The following ETFRF1 variants were observed in gnomAD, a reference collection of about 807,000 sequenced individuals.
ETFRF1 encodes electron transfer flavoprotein regulatory factor 1.
In ETFRF1, 12 loss-of-function variants were observed where a neutral mutation model predicts 9.0. The ratio of observed to expected loss-of-function variants is 1.34; its 90% CI spans 0.86 to 2.16. The LOEUF (loss-of-function observed/expected upper bound fraction) is 2.16. Ranked by LOEUF, ETFRF1 falls within the 30% of genes most tolerant of loss-of-function variation. ETFRF1 has a pLI of 0.00. For missense variants in ETFRF1, 98 were observed against 101.8 expected, an observed-to-expected ratio of 0.96 and a Z score of 0.16; for synonymous variants, 34 against 33.2, an observed-to-expected ratio of 1.02 and a Z score of -0.08.
intron 1 of ETFRF1, 44 bp from the exon 2 acceptor site, chr12:25,203,876 A>C: frequency 9.4e-7 from 1 of 1,064,642 alleles, no homozygotes; most frequent in Non-Finnish European, 1.3e-6. Context: ...TATTTTTTTA[A>C]GACTACAATG....
chr12:25,198,469 C>A (rs1317626062), intron 1 of ETFRF1, among the ~76,000 whole-genome samples: 1 of 151,928 alleles, frequency 6.6e-6, no homozygotes, highest in Non-Finnish European at 1.5e-5. Flanking sequence ...TCTTTTCATT[C>A]ATAAGAGTAG....
intron 1 of ETFRF1, 53 bp from the exon 2 acceptor site, chr12:25,203,862 TTTTTA>T: frequency 1.0e-6 from 1 of 990,880 alleles, no homozygotes; most frequent in African/African-American, 1.7e-5. Context: ...GTATAACCTT[TTTTTA>T]TTTTTTTAAG....
chr12:25,195,509 A>G, intron 1 of ETFRF1, 172 bp downstream of exon 1: 2 of 284,818 alleles, frequency 7.0e-6, no homozygotes, highest in South Asian at 7.6e-5. Flanking sequence ...GAGGGTTTCG[A>G]GAAGGAAACA....
At position 25,195,279 on chromosome 12, in the gene ETFRF1, A is replaced by G. The variant is rs993784899; in HGVS notation, c.-96A>G. On this transcript the variant is annotated 5_prime_UTR_variant, in exon 1 of 3. Transcript: ENST00000381356. ...CTCCCCCAACGCCACCCCGCTTCGCAGTAGACGGACAGAGGAGTCGTAGCG... is the reference window on the plus strand; with the variant it reads ...CTCCCCCAACGCCACCCCGCTTCGCGGTAGACGGACAGAGGAGTCGTAGCG... 22 of 646,422 alleles carry G rather than the reference A, an allele frequency of 3.4e-5. No individual in the cohort carries two copies. The highest frequency in any genetic ancestry group is 4.8e-5 in the Admixed American group (2 of 42,050). The allele number at this position is 646,422 out of a possible 1,614,324, so 40.0% of individuals were successfully genotyped here.
At chr12:25,199,779 G>A (rs1951060579) in intron 1 of ETFRF1, among the ~76,000 whole-genome samples, 1 of 151,982 alleles carries the variant, frequency 6.6e-6, no homozygotes, top group African/African-American at 2.4e-5. Context: ...TAATTTTTGA[G>A]TATTTTTAAC....
rs779368184 is a variant in ETFRF1 at position 25,204,058 on chromosome 12, T to C, written c.52-33T>C. The stretch of plus-strand genomic sequence containing the variant: ...TAAAAATGTTATTATATGACATGGA[T>C]TGTTTAGAAATATATAATCTTTCTT... On this transcript the variant is annotated intron_variant, in intron 2 of 2. Coordinates refer to ENST00000381356, the MANE Select transcript of ETFRF1 (RefSeq NM_001001660.3). 4 of 1,546,556 alleles carry C rather than the reference T, an allele frequency of 2.6e-6. No homozygotes were observed. The South Asian group carries it at 4.8e-5, about 19-fold the overall frequency.
intron 1 of ETFRF1, 49 bp from the exon 2 acceptor site, chr12:25,203,871 T>C: frequency 9.5e-7 from 1 of 1,048,612 alleles, no homozygotes; most frequent in Non-Finnish European, 1.3e-6. Context: ...TTTTTTATTT[T>C]TTTAAGACTA....
chr12:25,198,837 C>G (rs1170142306), intron 1 of ETFRF1, among the ~76,000 whole-genome samples: 1 of 152,110 alleles, frequency 6.6e-6, no homozygotes, highest in Non-Finnish European at 1.5e-5. Flanking sequence ...ATGCTGGCGG[C>G]AAGTGTCTTT....
intron 1 of ETFRF1, among the ~76,000 whole-genome samples, chr12:25,202,924 T>G (rs1282275123): frequency 6.6e-6 from 1 of 152,174 alleles, no homozygotes; most frequent in Admixed American, 6.5e-5. Flanking sequence ...ACTTGCAGCT[T>G]TGTCACTTAG....
chr12:25,204,969 C>CAATT lies in ETFRF1; in HGVS notation c.*659_*662dup, dbSNP rs1225994062. The CAATT allele has an allele frequency of 7.8e-5, 16 of 203,898 alleles. No homozygotes were observed. Among genetic ancestry groups the CAATT allele is most frequent in the Non-Finnish European group, 1.2e-4 (12 of 99,070 alleles). 12.6% of individuals were successfully genotyped at this position (203,898 alleles called of 1,614,324 possible). On this transcript the variant is annotated 3_prime_UTR_variant, in exon 3 of 3. Transcript: ENST00000381356. ...TAAAACCAAGTCACCTGTTGTGTAT[C>CAATT]AATTACCTTCTTTGATAAAAGGAAA...
At chr12:25,197,474 T>G (rs73288812) in intron 1 of ETFRF1, among the ~76,000 whole-genome samples, 3,002 of 152,320 alleles carry the variant, frequency 0.02, 77 homozygotes, top group African/African-American at 0.069. Context: ...TTTGTTTGTT[T>G]TGTTTTGAGA....
intron 1 of ETFRF1, among the ~76,000 whole-genome samples, chr12:25,199,157 T>C (rs1951054014): frequency 6.6e-6 from 1 of 151,112 alleles, no homozygotes; most frequent in African/African-American, 2.4e-5. Context: ...TATATATGCA[T>C]ATTTATAGAT....
intron 1 of ETFRF1, 128 bp downstream of exon 1, chr12:25,195,465 G>A (rs1454914521): frequency 7.2e-6 from 3 of 415,176 alleles, no homozygotes; most frequent in East Asian, 5.1e-5. Context: ...TGACGTTGAC[G>A]GTTTATTTCC....
chr12:25,204,002 A>T lies in ETFRF1; in HGVS notation c.46A>T (p.Lys16Ter). The change falls in exon 2 of 3, where the codon AAA (lysine) becomes TAA (stop). Residue 16 changes from lysine to a stop codon, truncating the protein, a stop_gained. Coordinates refer to ENST00000381356, the MANE Select transcript of ETFRF1 (RefSeq NM_001001660.3). LOFTEE classifies it high-confidence loss of function. ...SLRGEVLKLYKNLLYLGRDYP... is the reference protein window; with the variant it reads ...SLRGEVLKLY ...AAGAGGAGAAGTACTAAAACTTTATAAAAATGTAAGTAATTATGTTGCCAA... is the reference window on the plus strand; with the variant it reads ...AAGAGGAGAAGTACTAAAACTTTATTAAAATGTAAGTAATTATGTTGCCAA... The T allele has an allele frequency of 2.0e-6, 3 of 1,508,386 alleles. No homozygotes were observed. The highest frequency in any genetic ancestry group is 2.7e-6 in the Non-Finnish European group (3 of 1,128,738). 93.4% of individuals were successfully genotyped at this position (1,508,386 alleles called of 1,614,324 possible).
intron 1 of ETFRF1, among the ~76,000 whole-genome samples, chr12:25,202,292 C>T (rs1242188999): frequency 2.6e-5 from 4 of 151,406 alleles, no homozygotes; most frequent in African/African-American, 7.3e-5. Flanking sequence ...AAAGTCATTA[C>T]GTGGGGCTGA....
chr12:25,202,836 A>T (rs543186981), intron 1 of ETFRF1, among the ~76,000 whole-genome samples: 2 of 152,192 alleles, frequency 1.3e-5, no homozygotes, highest in African/African-American at 4.8e-5. Flanking sequence ...ATTGGAATTG[A>T]ATGTTAGGTA....
Position 25,204,223 on chromosome 12 carries a change from G to A in ETFRF1, c.184G>A (p.Val62Ile), listed in dbSNP as rs538137881. ...AGAACTTATTGCACAGGGCGAATTT[G>A]TAATGAAAGAGCTAGAAGCTTTGTA... ...IKELIAQGEF[V>I]MKELEALYFL... The change falls in exon 3 of 3, where the codon GTA becomes ATA. Residue 62 changes from valine to isoleucine, a missense_variant. By Grantham distance (29) the Val-to-Ile change is conservative (BLOSUM62 3). Transcript: ENST00000381356. 6.2e-7 allele frequency: 1 copy of A among 1,612,238 alleles called. No individual in the cohort carries two copies. Among genetic ancestry groups the A allele is most frequent in the African/African-American group, 1.3e-5 (1 of 74,914 alleles).
rs573413712 is a variant in ETFRF1 at position 25,196,596 on chromosome 12, G to A, written c.-38+1259G>A. On this transcript the variant is annotated intron_variant, in intron 1 of 2. Coordinates refer to ENST00000381356, the MANE Select transcript of ETFRF1 (RefSeq NM_001001660.3). ...ACTCCTTAGCCTAGAATGACAGGGG[G>A]AAAAAACTATCAATGGGGACTGCAA... 4.1e-4 allele frequency among the ~76,000 whole-genome samples: 63 copies of A among 152,258 alleles called. 1 individual carries two copies. The South Asian group carries it at 6.4e-3, about 16-fold the overall frequency.
At chr12:25,197,778 C>T (rs2141466250) in intron 1 of ETFRF1, among the ~76,000 whole-genome samples, 1 of 152,190 alleles carries the variant, frequency 6.6e-6, no homozygotes, top group South Asian at 2.1e-4. Flanking sequence ...GCCTAAGAAT[C>T]ATTCTTAGTA....
Sources: gnomAD v4.1 joint callset for allele counts (sites outside exome capture counted in the v4.1 genomes callset) on GRCh38, gnomAD v4.1.1 for gene constraint, MANE v1.5 for transcripts, NCBI Gene and HGNC (gene_info 2026-07-23, HGNC 2026-07-21) for gene names.